TM4SF4: variants seen among roughly 807,000 people sequenced by gnomAD.
TM4SF4 encodes the protein transmembrane 4 L6 family member 4.
TM4SF4 carries 24 observed loss-of-function variants against 24.1 expected under a neutral mutation model. The observed-to-expected ratio is 1.00, with a 90% CI of 0.72 to 1.40. TM4SF4 has a LOEUF of 1.40. Among genes scored for constraint, TM4SF4 ranks in the 40% most tolerant of loss-of-function variants. The probability of loss-of-function intolerance (pLI) is 0.00; values close to 1 mark genes in which losing one functional copy is unlikely to be tolerated. For missense variants in TM4SF4, 254 were observed against 254.2 expected, an observed-to-expected ratio of 1.00 and a Z score of 0.01; for synonymous variants, 113 against 97.0, an observed-to-expected ratio of 1.17 and a Z score of -0.97.
At chr3:149,484,550 AT>A (rs890892392) in intron 2 of TM4SF4, among the ~76,000 whole-genome samples, 3,473 of 122,190 alleles carry the variant, frequency 0.028, 41 homozygotes, top group African/African-American at 0.044. Context: ...CACCCCGCTA[AT>A]TTTTTTTTTT....
At chr3:149,478,939 G>T (rs1337266553) in intron 2 of TM4SF4, among the ~76,000 whole-genome samples, 1 of 151,818 alleles carries the variant, frequency 6.6e-6, no homozygotes, top group African/African-American at 2.4e-5. Flanking sequence ...AATTTTTTTT[G>T]TATTTTTGTT....
intron 2 of TM4SF4, among the ~76,000 whole-genome samples, chr3:149,483,300 T>C (rs1734065855): frequency 6.6e-6 from 1 of 152,084 alleles, no homozygotes; most frequent in Non-Finnish European, 1.5e-5. Flanking sequence ...AAACCAGCCA[T>C]ATAAACTCTC....
intron 3 of TM4SF4, among the ~76,000 whole-genome samples, chr3:149,491,906 G>A (rs1369948615): frequency 1.3e-5 from 2 of 152,182 alleles, no homozygotes; most frequent in Non-Finnish European, 2.9e-5. Context: ...CAGTGTGAAT[G>A]AGGAGAGATT....
chr3:149,489,273 C>T (rs1236939554), intron 3 of TM4SF4, among the ~76,000 whole-genome samples: 2 of 152,232 alleles, frequency 1.3e-5, no homozygotes, highest in Non-Finnish European at 1.5e-5. Flanking sequence ...CTCACTCTCT[C>T]CACCTAGGGG....
At chr3:149,495,356 C>T (rs918541078) in intron 3 of TM4SF4, 25 of 307,028 alleles carry the variant, frequency 8.1e-5, no homozygotes, top group African/African-American at 4.6e-4. Context: ...CTACCACCAA[C>T]TCATCCAACC....
intron 3 of TM4SF4, among the ~76,000 whole-genome samples, chr3:149,488,774 C>T (rs1033794276): frequency 2.6e-5 from 4 of 152,054 alleles, no homozygotes; most frequent in African/African-American, 7.2e-5. Flanking sequence ...TTTTGTTCAC[C>T]GTCTCAGCCC....
intron 3 of TM4SF4, among the ~76,000 whole-genome samples, chr3:149,494,341 G>A (rs541572825): frequency 1.3e-5 from 2 of 152,292 alleles, no homozygotes; most frequent in Non-Finnish European, 2.9e-5. Context: ...TACGTTCGCC[G>A]TAAACGTTTC....
chr3:149,493,713 G>A (rs552139046), intron 3 of TM4SF4, among the ~76,000 whole-genome samples: 115 of 152,166 alleles, frequency 7.6e-4, no homozygotes, highest in Non-Finnish European at 1.4e-3. Flanking sequence ...GAAGTTTATC[G>A]TCCTGAAGAG....
intron 3 of TM4SF4, among the ~76,000 whole-genome samples, chr3:149,490,789 C>T (rs1354980389): frequency 1.3e-5 from 2 of 152,204 alleles, no homozygotes; most frequent in African/African-American, 4.8e-5. Context: ...CACAGCTGCT[C>T]AGAGAGTAGA....
Position 149,474,991 on chromosome 3 carries a change from C to A in TM4SF4, c.114C>A (p.Asp38Glu). 6.2e-7 allele frequency: 1 copy of A among 1,613,844 alleles called. No individual in the cohort carries two copies. Among genetic ancestry groups the A allele is most frequent in the Non-Finnish European group, 8.5e-7 (1 of 1,179,860 alleles). ...TTCCTGGAGGAAAAGTGATAGATGA[C>A]AACGACCACCTTTCCCAAGAGATCT... Reference protein sequence around the residue: ...LFFPGGKVIDDNDHLSQEIWF... With the variant: ...LFFPGGKVIDENDHLSQEIWF... The change falls in exon 1 of 5, where the codon GAC (aspartate) becomes GAA (glutamate). Residue 38 changes from aspartate to glutamate, a missense_variant. Coordinates refer to ENST00000305354, the MANE Select transcript of TM4SF4 (RefSeq NM_004617.4).
At chr3:149,493,347 G>A (rs1462228389) in intron 3 of TM4SF4, among the ~76,000 whole-genome samples, 2 of 152,170 alleles carry the variant, frequency 1.3e-5, no homozygotes, top group African/African-American at 4.8e-5. Context: ...TTTCAAATAT[G>A]CTAAGGAAAT....
chr3:149,492,449 T>C (rs1253275760), intron 3 of TM4SF4, among the ~76,000 whole-genome samples: 5 of 152,094 alleles, frequency 3.3e-5, no homozygotes, highest in African/African-American at 9.7e-5. Flanking sequence ...TTGGTTTCCT[T>C]TGAAGTAGAA....
At chr3:149,501,021 CAAAAAA>C (rs56017202) in intron 4 of TM4SF4, among the ~76,000 whole-genome samples, 34 of 105,786 alleles carry the variant, frequency 3.2e-4, no homozygotes, top group Admixed American at 2.7e-3. Flanking sequence ...AAGACCTTTC[CAAAAAA>C]AAAAAAAAAA....
At chr3:149,491,295 C>CAAAAAAAAAAAAAAAAAAAAA (rs34935957) in intron 3 of TM4SF4, among the ~76,000 whole-genome samples, 5 of 125,656 alleles carry the variant, frequency 4.0e-5, no homozygotes, top group Admixed American at 9.3e-5. Context: ...CGCCCCTCTA[C>CAAAAAAAAAAAAAAAAAAAAA]AAAAAAAAAA....
chr3:149,497,280 T>C (rs1734328046), intron 3 of TM4SF4, among the ~76,000 whole-genome samples: 1 of 152,224 alleles, frequency 6.6e-6, no homozygotes, highest in Non-Finnish European at 1.5e-5. Flanking sequence ...GATATGATAA[T>C]GTAACTCCCA....
intron 2 of TM4SF4, among the ~76,000 whole-genome samples, chr3:149,477,900 T>C (rs1279055929): frequency 2.0e-5 from 3 of 151,824 alleles, no homozygotes; most frequent in African/African-American, 7.3e-5. Context: ...ATTAAGAAAA[T>C]AGGATGAAAA....
At chr3:149,496,995 C>A (rs1217030157) in intron 3 of TM4SF4, among the ~76,000 whole-genome samples, 2 of 151,868 alleles carry the variant, frequency 1.3e-5, no homozygotes, top group African/African-American at 2.4e-5. Flanking sequence ...TATAGTGAGA[C>A]CTCCGTGTCT....
rs371466480 is a variant in TM4SF4 at position 149,502,353 on chromosome 3, C to A, written c.592-323C>A. Among the ~76,000 whole-genome samples the A allele has an allele frequency of 6.3e-4, 96 of 152,112 alleles. 2 individuals are homozygous for A. In the South Asian group the frequency reaches 0.02, roughly 32 times the overall value. ...ATTCATCATCCACAGAACCAACAAC[C>A]ACTTGTACCCCAAAAGCTATTGAAA... is the stretch of plus-strand genomic sequence containing the variant. On this transcript the variant is annotated intron_variant, in intron 4 of 4. Transcript: ENST00000305354.
intron 3 of TM4SF4, among the ~76,000 whole-genome samples, chr3:149,491,209 G>C (rs1329993561): frequency 6.6e-6 from 1 of 150,610 alleles, no homozygotes; most frequent in Non-Finnish European, 1.5e-5. Context: ...ACTTTGGGAT[G>C]CTGAGGTGGA....
Sources: allele counts gnomAD v4.1 joint callset (sites outside exome capture counted in the v4.1 genomes callset), GRCh38; gene constraint gnomAD v4.1.1; transcripts MANE v1.5; gene names NCBI Gene and HGNC (gene_info 2026-07-23, HGNC 2026-07-21).